COQ10B: variants seen among roughly 807,000 people sequenced by gnomAD.
The protein encoded by COQ10B is coenzyme Q10B, also known as coenzyme Q-binding protein COQ10 homolog B, mitochondrial.
In COQ10B, 12 loss-of-function variants were observed where a neutral mutation model predicts 27.6. The ratio of observed to expected loss-of-function variants is 0.43; its 90% CI spans 0.28 to 0.70. The LOEUF is 0.70. Among genes scored for constraint, COQ10B ranks in the 30% least tolerant of loss-of-function variants. The pLI, the probability that COQ10B is intolerant of heterozygous loss-of-function variation, is 0.17. For synonymous variants in COQ10B, 115 were observed against 103.0 expected, an observed-to-expected ratio of 1.12 and a Z score of -0.71; for missense variants, 278 against 288.7, an observed-to-expected ratio of 0.96 and a Z score of 0.27.
At chr2:197,467,416 T>C (rs944618740) in intron 3 of COQ10B, among the ~76,000 whole-genome samples, 2 of 151,926 alleles carry the variant, frequency 1.3e-5, no homozygotes, top group African/African-American at 4.8e-5. Context: ...TCGCTCTTGT[T>C]TTCCAGGCTG....
intron 1 of COQ10B, chr2:197,454,224 A>G (rs1437523863): frequency 6.3e-6 from 8 of 1,262,368 alleles, no homozygotes; most frequent in Non-Finnish European, 8.6e-6. Flanking sequence ...ACCTTGAAGC[A>G]TAGTCAGCTT....
At position 197,462,544 on chromosome 2, in the gene COQ10B, C is replaced by T. The variant is rs745816805; in HGVS notation, c.260C>T (p.Ser87Leu). The change falls in exon 3 of 5, where the codon TCA becomes TTA. Residue 87 changes from serine to leucine, a missense_variant. Physicochemically the swap from Ser to Leu is moderately radical, Grantham distance 145. This residue lies in a region of COQ10B where 183 missense variants were observed against 158.2 expected (regional missense o/e 1.16). Transcript: ENST00000263960. ...EYSERRILGY[S>L]MQEMYDVVSG... ...TTTATTTTTATTTTTTAAAGATATT[C>T]AATGCAGGAAATGTATGATGTAGTA... The T allele has an allele frequency of 6.5e-7, 1 of 1,538,494 alleles. No homozygotes were observed. The highest frequency in any genetic ancestry group is 8.8e-7 in the Non-Finnish European group (1 of 1,132,878).
chr2:197,463,996 T>TACAC (rs1241115366), intron 3 of COQ10B, among the ~76,000 whole-genome samples: 394 of 32,808 alleles, frequency 0.012, 18 homozygotes, highest in East Asian at 0.071. Context: ...TATATATATA[T>TACAC]ACACACACAC....
chr2:197,459,762 C>T (rs376551176), intron 1 of COQ10B, among the ~76,000 whole-genome samples, 170 bp from the exon 2 acceptor site: 3 of 150,014 alleles, frequency 2.0e-5, no homozygotes, highest in African/African-American at 7.3e-5. Context: ...TTTTTTTTTA[C>T]AGTGTTTAAG....
At chr2:197,471,878 G>A (rs1245251544) in intron 4 of COQ10B, among the ~76,000 whole-genome samples, 7 of 150,718 alleles carry the variant, frequency 4.6e-5, no homozygotes, top group East Asian at 2.0e-4. Flanking sequence ...GGAAGTGGAC[G>A]TTGCAGTGAT....
intron 1 of COQ10B, among the ~76,000 whole-genome samples, chr2:197,455,205 A>G (rs1328685239): frequency 2.6e-5 from 4 of 151,944 alleles, no homozygotes; most frequent in Non-Finnish European, 5.9e-5. Flanking sequence ...GAACCTTTAT[A>G]TATAGTAAAA....
chr2:197,457,532 G>A (rs1399470495), intron 1 of COQ10B, among the ~76,000 whole-genome samples: 2 of 151,980 alleles, frequency 1.3e-5, no homozygotes, highest in East Asian at 3.8e-4. Context: ...CATTCATGAA[G>A]TGTTATTTAT....
At chr2:197,457,010 A>T (rs2085707286) in intron 1 of COQ10B, among the ~76,000 whole-genome samples, 1 of 151,774 alleles carries the variant, frequency 6.6e-6, no homozygotes, top group Non-Finnish European at 1.5e-5. Flanking sequence ...GGGGTGGGGG[A>T]TGGCTTCAGG....
chr2:197,461,200 AT>A (rs1365492830), intron 2 of COQ10B, among the ~76,000 whole-genome samples: 2 of 151,560 alleles, frequency 1.3e-5, no homozygotes, highest in African/African-American at 2.4e-5. Flanking sequence ...CCAAGAGTTT[AT>A]TTTTTTTTCT....
At chr2:197,454,186 C>T (rs1574575927) in intron 1 of COQ10B, 1 of 1,477,786 alleles carries the variant, frequency 6.8e-7, no homozygotes. Context: ...TGGATTTTTT[C>T]ACTCTGCTGT....
At chr2:197,461,993 GGC>G (rs969599977) in intron 2 of COQ10B, among the ~76,000 whole-genome samples, 2 of 151,964 alleles carry the variant, frequency 1.3e-5, no homozygotes, top group Non-Finnish European at 2.9e-5. Flanking sequence ...CTTTAGGCCG[GGC>G]GCGGTGGCTC....
chr2:197,466,685 A>G (rs1310541285), intron 3 of COQ10B, among the ~76,000 whole-genome samples: 1 of 152,190 alleles, frequency 6.6e-6, no homozygotes, highest in Non-Finnish European at 1.5e-5. Context: ...GTATTAGAAA[A>G]AAAGTAATCT....
At position 197,463,990 on chromosome 2, in the gene COQ10B, TATATATAC is replaced by T. The variant is rs1405521445; in HGVS notation, c.447+1261_447+1268del. On this transcript the variant is annotated intron_variant, in intron 3 of 4. Transcript: ENST00000263960. Reference sequence around the variant, plus strand: ...ATATATATATATATATATATATATATATATATACACACACACACACACACACACACACA... The same window carrying T: ...ATATATATATATATATATATATATATACACACACACACACACACACACACA... 3.9e-3 allele frequency among the ~76,000 whole-genome samples: 293 copies of T among 74,884 alleles called. 3 individuals carry two copies. Among genetic ancestry groups the T allele is most frequent in the Middle Eastern group, 0.018 (2 of 114 alleles). 49.1% of individuals were successfully genotyped at this position (74,884 alleles called of 152,430 possible).
At chr2:197,464,971 C>T (rs558390644) in intron 3 of COQ10B, among the ~76,000 whole-genome samples, 10 of 151,708 alleles carry the variant, frequency 6.6e-5, no homozygotes, top group East Asian at 5.8e-4. Context: ...CTGCAAGCTC[C>T]GCCTCCTGGG....
chr2:197,455,219 C>T (rs769663864), intron 1 of COQ10B, among the ~76,000 whole-genome samples: 7 of 151,902 alleles, frequency 4.6e-5, no homozygotes, highest in Non-Finnish European at 1.0e-4. Context: ...AGTAAAAAGT[C>T]AACCAGATAC....
rs1559291655 is a variant in COQ10B at position 197,459,979 on chromosome 2, A to C, written c.152A>C (p.His51Pro). Reference sequence around the variant, plus strand: ...CTGATGAGCAGAACTCTTCCACTACATACCTCAATTTTGCCTAAGGAGATA... The same window carrying C: ...CTGATGAGCAGAACTCTTCCACTACCTACCTCAATTTTGCCTAAGGAGATA... ...GILMSRTLPL[H>P]TSILPKEICA... The change falls in exon 2 of 5, where the codon CAT becomes CCT. Residue 51 changes from histidine to proline, a missense_variant. By Grantham distance (77) the His-to-Pro change is moderately conservative (BLOSUM62 -2). Coordinates refer to ENST00000263960, the MANE Select transcript of COQ10B (RefSeq NM_025147.5). The C allele has an allele frequency of 6.2e-7, 1 of 1,612,360 alleles. No individual in the cohort carries two copies. Among genetic ancestry groups the C allele is most frequent in the Non-Finnish European group, 8.5e-7 (1 of 1,178,844 alleles).
intron 1 of COQ10B, among the ~76,000 whole-genome samples, chr2:197,458,682 CTT>C (rs138890869): frequency 1.2e-4 from 17 of 139,826 alleles, no homozygotes; most frequent in Non-Finnish European, 1.6e-4. Context: ...TTTCTTTTCT[CTT>C]TTTTTTTTTT....
At chr2:197,467,334 T>C (rs2085835225) in intron 3 of COQ10B, among the ~76,000 whole-genome samples, 1 of 151,788 alleles carries the variant, frequency 6.6e-6, no homozygotes, top group Non-Finnish European at 1.5e-5. Flanking sequence ...ATTTGATTGA[T>C]TGATTGATTG....
At chr2:197,458,102 C>G (rs1212773611) in intron 1 of COQ10B, among the ~76,000 whole-genome samples, 1 of 146,098 alleles carries the variant, frequency 6.8e-6, no homozygotes, top group Admixed American at 7.1e-5. Flanking sequence ...ACTTTGGGGT[C>G]ATATTTTCTT....
Sources: gnomAD v4.1 joint callset for allele counts (sites outside exome capture counted in the v4.1 genomes callset) on GRCh38, gnomAD v4.1.1 for gene constraint, gnomAD v4.1.1 regional missense constraint, MANE v1.5 for transcripts, NCBI Gene and HGNC (gene_info 2026-07-23, HGNC 2026-07-21) for gene names.